Variants in DPYSL5 observed in about 807,000 individuals in gnomAD.
The protein encoded by DPYSL5 is dihydropyrimidinase like 5.
Under a neutral mutation model 58.4 loss-of-function variants are expected in DPYSL5, and 9 were observed. The ratio of observed to expected loss-of-function variants is 0.15; its 90% confidence interval spans 0.09 to 0.27. The LOEUF (loss-of-function observed/expected upper bound fraction) is 0.27, where lower values mean the gene tolerates loss of function less well. Among genes scored for constraint, DPYSL5 ranks in the 10% least tolerant of loss-of-function variants. The pLI is 1.00. For synonymous variants in DPYSL5, 293 were observed against 301.9 expected, an observed-to-expected ratio of 0.97 and a Z score of 0.31; for missense variants, 499 against 770.6, an observed-to-expected ratio of 0.65 and a Z score of 4.17.
intron 1 of DPYSL5, among the ~76,000 whole-genome samples, chr2:26,852,835 G>C (rs1277271411): frequency 2.0e-5 from 3 of 152,158 alleles, no homozygotes; most frequent in Admixed American, 1.3e-4. Flanking sequence ...AGGCTTACAT[G>C]TGTTAATGGT....
At chr2:26,940,416 G>A (rs11126781) in intron 9 of DPYSL5, among the ~76,000 whole-genome samples, 143,721 of 149,280 alleles carry the variant, frequency 0.96, 69,314 homozygotes, top group South Asian at 1. Flanking sequence ...AAGAAAAAAA[G>A]AAACCTTAAT....
Position 26,877,553 on chromosome 2 carries a change from C to T in DPYSL5, c.-4-20943C>T, listed in dbSNP as rs1046978545. On this transcript the variant is annotated intron_variant, in intron 1 of 12. Coordinates refer to ENST00000288699, the MANE Select transcript of DPYSL5 (RefSeq NM_020134.4). This position sits in a 1 kb window ranked among gnomAD's most constrained non-coding sequence, Gnocchi z 4.1. ...CTAGTGTTTAATCATCTCCTGCTAGCGCCTCATGTTTTACATTTTGGCACT... is the reference window on the plus strand; with the variant it reads ...CTAGTGTTTAATCATCTCCTGCTAGTGCCTCATGTTTTACATTTTGGCACT... Among the ~76,000 whole-genome samples, 22 of 152,272 alleles carry T rather than the reference C, an allele frequency of 1.4e-4. No homozygotes were observed. The highest frequency in any genetic ancestry group is 4.8e-4 in the African/African-American group (20 of 41,556).
At chr2:26,881,983 C>T (rs1572685226) in intron 1 of DPYSL5, among the ~76,000 whole-genome samples, 2 of 148,190 alleles carry the variant, frequency 1.3e-5, no homozygotes, top group Admixed American at 1.4e-4. Flanking sequence ...CTCAGCTACT[C>T]GGGAGGCTGA....
chr2:26,898,805 T>G lies in DPYSL5; in HGVS notation c.261+45T>G. 1 of 1,566,182 alleles carries G rather than the reference T, an allele frequency of 6.4e-7. No individual in the cohort carries two copies. Among genetic ancestry groups the G allele is most frequent in the Non-Finnish European group, 8.7e-7 (1 of 1,154,048 alleles). ...AAGGTGGCTTCCTCTTTGGCTTTTT[T>G]ATTCTGCTTCTAGGGCTGCTCCAGA... On this transcript the variant is annotated intron_variant, in intron 2 of 12. Coordinates refer to ENST00000288699, the MANE Select transcript of DPYSL5 (RefSeq NM_020134.4). The surrounding 1 kb of genome is among the most constrained non-coding windows in gnomAD (Gnocchi z 6.1).
chr2:26,942,480 A>T lies in DPYSL5; in HGVS notation c.1233-63A>T. 2 of 1,525,182 alleles carry T rather than the reference A, an allele frequency of 1.3e-6. No homozygotes were observed. The allele number at this position is 1,525,182 out of a possible 1,614,324, so 94.5% of individuals were successfully genotyped here. ...CCAGCCTTTGGGGCTCACCCCTCCC[A>T]TGGAGCTGTGACATTTTGACCTGTC... On this transcript the variant is annotated intron_variant, in intron 10 of 12. Coordinates refer to ENST00000288699, the MANE Select transcript of DPYSL5 (RefSeq NM_020134.4). The surrounding 1 kb of genome is among the most constrained non-coding windows in gnomAD (Gnocchi z 5.9).
At position 26,888,679 on chromosome 2, in the gene DPYSL5, TA is replaced by T. The variant is rs1663791951; in HGVS notation, c.-4-9815del. On this transcript the variant is annotated intron_variant, in intron 1 of 12. Coordinates refer to ENST00000288699, the MANE Select transcript of DPYSL5 (RefSeq NM_020134.4). ...AATTCTGTTGTTTGCATAGATAAAA[TA>T]ACTGGATGATCAAAGTTTTTGGCGA... Among the ~76,000 whole-genome samples, 3 of 152,302 alleles carry T rather than the reference TA, an allele frequency of 2.0e-5. No homozygotes were observed. The South Asian group carries it at 6.2e-4, about 32-fold the overall frequency.
chr2:26,934,746 C>T lies in DPYSL5; in HGVS notation c.947+12C>T. ...AGCCTGCTGGCCAAGTAAGGCGTTT[C>T]AGCAGCACATTGCAGGGATGTGTAC... is the stretch of plus-strand genomic sequence containing the variant. On this transcript the variant is annotated intron_variant, in intron 8 of 12. Transcript: ENST00000288699. This position sits in a 1 kb window ranked among gnomAD's most constrained non-coding sequence, Gnocchi z 4.3. 6.2e-7 allele frequency: 1 copy of T among 1,613,876 alleles called. No homozygotes were observed. Among genetic ancestry groups the T allele is most frequent in the Non-Finnish European group, 8.5e-7 (1 of 1,179,850 alleles).
Position 26,924,985 on chromosome 2 carries a change from C to G in DPYSL5, c.360C>G (p.Ala120=). The change falls in exon 3 of 13, where the codon GCC becomes GCG. Residue 120 remains alanine (A), a synonymous_variant. Transcript: ENST00000288699. This position sits in a 1 kb window ranked among gnomAD's most constrained non-coding sequence, Gnocchi z 4.7. ...CTTATGAGAAGTGCCGAGGTCTGGC[C>G]GACCCCAAGGTCTGCTGTGATTACG... is the stretch of plus-strand genomic sequence containing the variant. The part of the protein sequence containing the change: ...VDAYEKCRGL[A]DPKVCCDYAL... The G allele has an allele frequency of 6.2e-7, 1 of 1,614,148 alleles. No homozygotes were observed. The highest frequency in any genetic ancestry group is 1.3e-5 in the African/African-American group (1 of 75,046).
At chr2:26,900,619 C>G (rs552168498) in intron 2 of DPYSL5, among the ~76,000 whole-genome samples, 1 of 152,216 alleles carries the variant, frequency 6.6e-6, no homozygotes, top group South Asian at 2.1e-4. Context: ...ATTGCAGGGC[C>G]CATAGGGTAC....
intron 1 of DPYSL5, among the ~76,000 whole-genome samples, chr2:26,897,822 G>C (rs1323422421): frequency 6.6e-6 from 1 of 152,174 alleles, no homozygotes; most frequent in African/African-American, 2.4e-5. Flanking sequence ...CATCTCTGGG[G>C]GTGGGGCTTG....
intron 1 of DPYSL5, among the ~76,000 whole-genome samples, chr2:26,864,611 A>T (rs1169369537): frequency 6.6e-6 from 1 of 152,208 alleles, no homozygotes; most frequent in Non-Finnish European, 1.5e-5. Context: ...ACAGAGAATG[A>T]CTAACGTGAA....
intron 1 of DPYSL5, among the ~76,000 whole-genome samples, chr2:26,874,494 T>G (rs79009120): frequency 6.6e-6 from 1 of 152,218 alleles, no homozygotes; most frequent in Admixed American, 6.5e-5. Context: ...TTGAATTACC[T>G]TGGTACGTTT....
intron 1 of DPYSL5, among the ~76,000 whole-genome samples, chr2:26,850,536 C>T (rs1482812843): frequency 6.6e-6 from 1 of 151,718 alleles, no homozygotes; most frequent in Non-Finnish European, 1.5e-5. Context: ...TTTAAATTGC[C>T]ATTCATTAAA....
intron 1 of DPYSL5, among the ~76,000 whole-genome samples, chr2:26,889,561 C>T (rs576057857): frequency 3.8e-4 from 58 of 152,258 alleles, no homozygotes; most frequent in Admixed American, 7.8e-4. Flanking sequence ...TGAGCCACCG[C>T]GCCCGGCCTG....
intron 1 of DPYSL5, among the ~76,000 whole-genome samples, chr2:26,869,188 C>T (rs1663195878): frequency 1.3e-5 from 2 of 152,200 alleles, no homozygotes; most frequent in African/African-American, 2.4e-5. Context: ...GGATTTCGAG[C>T]TCCTAGGCTC....
At chr2:26,855,356 G>A (rs550630320) in intron 1 of DPYSL5, among the ~76,000 whole-genome samples, 1 of 152,094 alleles carries the variant, frequency 6.6e-6, no homozygotes, top group Non-Finnish European at 1.5e-5. Flanking sequence ...TTGAACCCAG[G>A]AGGCAGAGGC....
intron 2 of DPYSL5, among the ~76,000 whole-genome samples, chr2:26,919,381 A>G (rs2148153535): frequency 6.6e-6 from 1 of 152,376 alleles, no homozygotes; most frequent in East Asian, 1.9e-4. Context: ...GGAACAAATG[A>G]GCATCAAATA....
intron 1 of DPYSL5, among the ~76,000 whole-genome samples, chr2:26,858,022 C>T (rs1665920416): frequency 6.6e-6 from 1 of 152,204 alleles, no homozygotes; most frequent in Non-Finnish European, 1.5e-5. Flanking sequence ...CCTGCCAAGG[C>T]AGTCATGAAC....
At chr2:26,875,003 C>T (rs1663372603) in intron 1 of DPYSL5, among the ~76,000 whole-genome samples, 1 of 152,176 alleles carries the variant, frequency 6.6e-6, no homozygotes, top group Non-Finnish European at 1.5e-5. Flanking sequence ...TAATTTCTTT[C>T]AACAATGTTG....
Sources: allele counts gnomAD v4.1 joint callset (sites outside exome capture counted in the v4.1 genomes callset), GRCh38; gene constraint gnomAD v4.1.1; non-coding constraint Gnocchi (gnomAD v3.1); transcripts MANE v1.5; gene names NCBI Gene and HGNC (gene_info 2026-07-23, HGNC 2026-07-21).